PTH2R: variants seen among roughly 807,000 people sequenced by gnomAD.
The protein encoded by PTH2R is parathyroid hormone 2 receptor.
A neutral mutation model predicts 60.3 loss-of-function variants in PTH2R; 59 were observed. That is an observed-to-expected ratio of 0.98 (90% CI 0.79 to 1.22). The LOEUF (loss-of-function observed/expected upper bound fraction) is 1.22. Ranked by LOEUF, PTH2R falls within the 50% of genes most tolerant of loss-of-function variation. The pLI is 0.00. For synonymous variants in PTH2R, 256 were observed against 243.8 expected, an observed-to-expected ratio of 1.05 and a Z score of -0.47; for missense variants, 749 against 682.6, an observed-to-expected ratio of 1.10 and a Z score of -1.08.
At chr2:208,479,399 T>G (rs1239190370) in intron 9 of PTH2R, among the ~76,000 whole-genome samples, 2 of 152,202 alleles carry the variant, frequency 1.3e-5, no homozygotes, top group Non-Finnish European at 2.9e-5. Flanking sequence ...GCCCCACAGC[T>G]CTTCCAGCTT....
Position 208,408,737 on chromosome 2 carries a change from AG to A in PTH2R, c.75+1620del, listed in dbSNP as rs1559211097. On this transcript the variant is annotated intron_variant, in intron 1 of 12. Transcript: ENST00000272847. ...GAAGAAAGGAAAGAGAGAGAGAGAG[AG>A]AAAGAGAGAGAGAGAGAGAGAGAGA... is the stretch of plus-strand genomic sequence containing the variant. 1.3e-4 allele frequency among the ~76,000 whole-genome samples: 8 copies of A among 62,348 alleles called. No individual in the cohort carries two copies. The East Asian group carries it at 4.8e-3, about 38-fold the overall frequency. 40.9% of individuals were successfully genotyped at this position (62,348 alleles called of 152,430 possible).
At chr2:208,393,875 G>A (rs908892264) in intron 1 of PTH2R, among the ~76,000 whole-genome samples, 11 of 152,168 alleles carry the variant, frequency 7.2e-5, no homozygotes, top group African/African-American at 2.4e-4. Context: ...GAAGGGGGGA[G>A]AGTAGGATAT....
At chr2:208,461,148 A>G (rs1001508500) in intron 9 of PTH2R, among the ~76,000 whole-genome samples, 9 of 152,194 alleles carry the variant, frequency 5.9e-5, no homozygotes, top group African/African-American at 1.9e-4. Flanking sequence ...TTGCTAAACC[A>G]TCCTATTAAC....
chr2:208,479,310 A>C (rs1703092292), intron 9 of PTH2R, among the ~76,000 whole-genome samples: 1 of 152,116 alleles, frequency 6.6e-6, no homozygotes, highest in Non-Finnish European at 1.5e-5. Flanking sequence ...GGTGAAGCTT[A>C]AGGTTGGCCC....
chr2:208,484,814 T>G (rs1423204382), intron 10 of PTH2R, among the ~76,000 whole-genome samples: 1 of 152,174 alleles, frequency 6.6e-6, no homozygotes, highest in Non-Finnish European at 1.5e-5. Context: ...ATGGATACTT[T>G]CTCTCTGTGA....
At chr2:208,390,684 C>CT (rs1701093666) in intron 1 of PTH2R, among the ~76,000 whole-genome samples, 1 of 152,140 alleles carries the variant, frequency 6.6e-6, no homozygotes, top group Admixed American at 6.5e-5. Flanking sequence ...GATTCTCTGT[C>CT]TGATTTTCCA....
intron 1 of PTH2R, chr2:208,360,489 T>G (rs114190559): frequency 0.01 from 1,769 of 170,718 alleles, 29 homozygotes; most frequent in African/African-American, 0.04. Flanking sequence ...GCTGAGACTG[T>G]GCTTGTGCGG....
intron 6 of PTH2R, among the ~76,000 whole-genome samples, chr2:208,444,276 A>G (rs1702244748): frequency 1.3e-5 from 2 of 152,216 alleles, no homozygotes; most frequent in Admixed American, 6.5e-5. Flanking sequence ...TACCCAGCCC[A>G]TCCACAGATT....
chr2:208,397,731 TCCCAC>T, intron 1 of PTH2R, among the ~76,000 whole-genome samples: 1 of 152,270 alleles, frequency 6.6e-6, no homozygotes, highest in Middle Eastern at 3.4e-3. Context: ...AAACTGGCCC[TCCCAC>T]CCTAGCCTTT....
At chr2:208,432,913 C>T (rs1367725694) in intron 2 of PTH2R, among the ~76,000 whole-genome samples, 1 of 152,188 alleles carries the variant, frequency 6.6e-6, no homozygotes, top group Non-Finnish European at 1.5e-5. Flanking sequence ...GGTCCACTAA[C>T]TTTCTCTCCC....
chr2:208,401,166 T>C (rs1056131332), intron 1 of PTH2R, among the ~76,000 whole-genome samples: 12 of 152,298 alleles, frequency 7.9e-5, no homozygotes, highest in African/African-American at 2.6e-4. Context: ...CCCATAAACA[T>C]TGAGTTTCTT....
intron 1 of PTH2R, among the ~76,000 whole-genome samples, chr2:208,409,271 A>G (rs1440228286): frequency 6.6e-6 from 1 of 152,216 alleles, no homozygotes; most frequent in Non-Finnish European, 1.5e-5. Context: ...TTCATCTTCA[A>G]AAGAGTCATA....
rs1280888645 is a variant in PTH2R, at chr2:208,488,936, T to G, written c.1077-76T>G. ...ACCCCCATTAGCTCTGCTAAGTTTTTTTTTTCCTCCAGCACGCTGTCTTTA... is the reference window on the plus strand; with the variant it reads ...ACCCCCATTAGCTCTGCTAAGTTTTGTTTTTCCTCCAGCACGCTGTCTTTA... On this transcript the variant is annotated intron_variant, in intron 10 of 12. Coordinates refer to ENST00000272847, the MANE Select transcript of PTH2R (RefSeq NM_005048.4). 4.5e-6 allele frequency: 7 copies of G among 1,544,142 alleles called. No homozygotes were observed. The East Asian group carries it at 9.1e-5, about 20-fold the overall frequency.
At chr2:208,464,115 C>T (rs1234634785) in intron 9 of PTH2R, among the ~76,000 whole-genome samples, 2 of 152,230 alleles carry the variant, frequency 1.3e-5, no homozygotes, top group South Asian at 2.1e-4. Context: ...ACTTCATAAT[C>T]GAGAAATCGA....
At chr2:208,377,926 C>T (rs975426092) in intron 1 of PTH2R, among the ~76,000 whole-genome samples, 14 of 149,736 alleles carry the variant, frequency 9.3e-5, no homozygotes, top group East Asian at 2.0e-4. Flanking sequence ...ACATCCCAGA[C>T]GATGGGCGGC....
At chr2:208,386,985 A>G (rs1400552133) in intron 1 of PTH2R, among the ~76,000 whole-genome samples, 3 of 152,220 alleles carry the variant, frequency 2.0e-5, no homozygotes, top group Admixed American at 2.0e-4. Context: ...ATCATTAATG[A>G]GCAGAATTTT....
At chr2:208,426,111 GTTAA>G (rs1701852630) in intron 1 of PTH2R, among the ~76,000 whole-genome samples, 2 of 152,094 alleles carry the variant, frequency 1.3e-5, no homozygotes, top group Non-Finnish European at 2.9e-5. Flanking sequence ...TGAATATTGG[GTTAA>G]TTATGAAGAT....
chr2:208,481,047 T>C (rs757462847), intron 9 of PTH2R, 23 bp from the exon 10 acceptor site: 8 of 1,468,222 alleles, frequency 5.4e-6, no homozygotes, highest in Middle Eastern at 1.7e-4. Context: ...AATAATTCTT[T>C]GTAATCTTAC....
At chr2:208,365,712 C>T (rs940773291) in intron 1 of PTH2R, among the ~76,000 whole-genome samples, 2 of 146,450 alleles carry the variant, frequency 1.4e-5, no homozygotes, top group Non-Finnish European at 3.0e-5. Context: ...ATTCCTTTCT[C>T]TTCAGTTTTT....
Sources: allele counts gnomAD v4.1 joint callset (sites outside exome capture counted in the v4.1 genomes callset), GRCh38; gene constraint gnomAD v4.1.1; transcripts MANE v1.5; gene names NCBI Gene and HGNC (gene_info 2026-07-23, HGNC 2026-07-21).